CARS1: variants seen among roughly 807,000 people sequenced by gnomAD.
The protein encoded by CARS1 is cysteine--tRNA ligase, cytoplasmic.
In CARS1, 48 loss-of-function variants were observed where a neutral mutation model predicts 106.2. The observed-to-expected ratio is 0.45, with a 90% CI of 0.36 to 0.57. CARS1 has a LOEUF of 0.57. Among genes scored for constraint, CARS1 ranks in the 20% least tolerant of loss-of-function variants. The pLI is 0.00. For synonymous variants in CARS1, 409 were observed against 403.4 expected, an observed-to-expected ratio of 1.01 and a Z score of -0.17; for missense variants, 968 against 1,057.2, an observed-to-expected ratio of 0.92 and a Z score of 1.17.
rs183118389 is a variant in CARS1 at position 3,031,914 on chromosome 11, T to C, written c.802-2471A>G. Among the ~76,000 whole-genome samples the C allele has an allele frequency of 5.0e-3, 764 of 151,990 alleles. 4 individuals are homozygous for C. The highest frequency in any genetic ancestry group is 5.4e-3 in the Non-Finnish European group (366 of 67,962). On this transcript the variant is annotated intron_variant, in intron 7 of 22. Transcript: ENST00000380525. The stretch of plus-strand genomic sequence containing the variant: ...CAGTGAATATTGGAGAAAAATCCCC[T>C]TGTGTTTCCAATAGCAAGAAGGGAA...
At chr11:3,018,807 C>A (rs1851292220) in intron 12 of CARS1, 58 bp from the exon 13 acceptor site, 2 of 1,574,870 alleles carry the variant, frequency 1.3e-6, no homozygotes, top group East Asian at 2.3e-5. Flanking sequence ...CCGCCTCCTG[C>A]CACCTGCACT....
Position 3,022,736 on chromosome 11 carries a change from C to T in CARS1, c.1154-2404G>A, listed in dbSNP as rs148829419. ...CTCCCTGCACTAGGCCTTCCTGCCA[C>T]GTGCCTTCCCGAGTGGTCTGCATGG... On this transcript the variant is annotated intron_variant, in intron 10 of 22. Coordinates refer to ENST00000380525, the MANE Select transcript of CARS1 (RefSeq NM_001014437.3). This position sits in a 1 kb window ranked among gnomAD's most constrained non-coding sequence, Gnocchi z 4.9. Among the ~76,000 whole-genome samples the T allele has an allele frequency of 1.4e-4, 22 of 152,346 alleles. No individual in the cohort carries two copies. Among genetic ancestry groups the T allele is most frequent in the African/African-American group, 4.8e-4 (20 of 41,576 alleles).
Position 3,015,853 on chromosome 11 carries a change from G to C in CARS1, c.1918-4C>G. On this transcript the variant is annotated splice_polypyrimidine_tract_variant and splice_region_variant and intron_variant, in intron 16 of 22. Coordinates refer to ENST00000380525, the MANE Select transcript of CARS1 (RefSeq NM_001014437.3). ...CCTCTTCTACGGCCCCAAAGATCTA[G>C]GAAAAGAAACAGATGGGACCTGAAG... 1 of 1,613,882 alleles carries C rather than the reference G, an allele frequency of 6.2e-7. No homozygotes were observed. The highest frequency in any genetic ancestry group is 8.5e-7 in the Non-Finnish European group (1 of 1,179,814).
At position 3,028,438 on chromosome 11, in the gene CARS1, G is replaced by T; in HGVS notation, c.1031+558C>A. 4.1e-6 allele frequency: 1 copy of T among 244,764 alleles called. No individual in the cohort carries two copies. Among genetic ancestry groups the T allele is most frequent in the Non-Finnish European group, 7.9e-6 (1 of 127,356 alleles). 15.2% of individuals were successfully genotyped at this position (244,764 alleles called of 1,614,324 possible). On this transcript the variant is annotated intron_variant, in intron 9 of 22. Coordinates refer to ENST00000380525, the MANE Select transcript of CARS1 (RefSeq NM_001014437.3). The surrounding 1 kb of genome is among the most constrained non-coding windows in gnomAD (Gnocchi z 4.4). ...GGAGAAAAACCCACCGACCCTGTGG[G>T]GCTGGTCCCTACACACTACAGACAG...
chr11:3,054,107 G>A (rs1016835330), intron 1 of CARS1, among the ~76,000 whole-genome samples: 1 of 152,104 alleles, frequency 6.6e-6, no homozygotes, highest in Non-Finnish European at 1.5e-5. Flanking sequence ...CACCAACTAG[G>A]AGCCAACACT....
chr11:3,039,016 T>G lies in CARS1; in HGVS notation c.651+178A>C, dbSNP rs1244357712. On this transcript the variant is annotated intron_variant, in intron 6 of 22. Transcript: ENST00000380525. This position sits in a 1 kb window ranked among gnomAD's most constrained non-coding sequence, Gnocchi z 5.6. ...CAGTACATCTTTGCTGGTGACTTTG[T>G]CACAGGCCAGGGGACCTTACCTATG... Among the ~76,000 whole-genome samples, 9 of 152,228 alleles carry G rather than the reference T, an allele frequency of 5.9e-5. No individual in the cohort carries two copies.
In CARS1 at chr11:3,052,861, G is replaced by A. The variant is rs1590579827; in HGVS notation, c.25+4482C>T. 1.3e-5 allele frequency among the ~76,000 whole-genome samples: 2 copies of A among 152,240 alleles called. No individual in the cohort carries two copies. The highest frequency in any genetic ancestry group is 2.1e-4 in the South Asian group (1 of 4,836). Reference sequence around the variant, plus strand: ...TCTGAGCAGACTGAAAACCTCCCAGGGACCTGTTCCTCGACACTGGCCCTC... The same window carrying A: ...TCTGAGCAGACTGAAAACCTCCCAGAGACCTGTTCCTCGACACTGGCCCTC... On this transcript the variant is annotated intron_variant, in intron 1 of 22. Transcript: ENST00000380525. The surrounding 1 kb of genome is among the most constrained non-coding windows in gnomAD (Gnocchi z 4.6).
chr11:3,005,621 T>G, intron 19 of CARS1, among the ~76,000 whole-genome samples, 188 bp from the exon 20 acceptor site: 1 of 143,508 alleles, frequency 7.0e-6, no homozygotes, highest in East Asian at 2.1e-4. Context: ...TTTTGGTTTG[T>G]GTGTGTGTGA....
chr11:3,039,912 T>C lies in CARS1; in HGVS notation c.475A>G (p.Ile159Val). 1.3e-6 allele frequency: 2 copies of C among 1,584,292 alleles called. No homozygotes were observed. Among genetic ancestry groups the C allele is most frequent in the Non-Finnish European group, 1.7e-6 (2 of 1,162,750 alleles). The change falls in exon 5 of 23, where the codon ATC becomes GTC. Residue 159 changes from isoleucine (I) to valine (V), a missense_variant. Coordinates refer to ENST00000380525, the MANE Select transcript of CARS1 (RefSeq NM_001014437.3). This position sits in a 1 kb window ranked among gnomAD's most constrained non-coding sequence, Gnocchi z 5.6. ...GHARSYISFD[I>V]LRRVLKDYFK... ...TAATCCTTCAACACTCTTCTCAAGATATCAAAAGAGATGTAGGACCTAAAG... is the reference window on the plus strand; with the variant it reads ...TAATCCTTCAACACTCTTCTCAAGACATCAAAAGAGATGTAGGACCTAAAG...
At position 3,015,766 on chromosome 11, in the gene CARS1, CTG is replaced by C; in HGVS notation, c.1986+13_1986+14del. 1 of 1,613,192 alleles carries C rather than the reference CTG, an allele frequency of 6.2e-7. No individual in the cohort carries two copies. Among genetic ancestry groups the C allele is most frequent in the South Asian group, 1.1e-5 (1 of 91,060 alleles). On this transcript the variant is annotated intron_variant, in intron 17 of 22. Coordinates refer to ENST00000380525, the MANE Select transcript of CARS1 (RefSeq NM_001014437.3). ...GGGAGCAGGTGCAGAAGGCAGGACC[CTG>C]CATGCTACTCACACTGAGGCTGGTT...
rs763728749 is a variant in CARS1, at chr11:3,020,637, C to T, written c.1154-305G>A. ...TCCTGCTGCCTTCTCACAGCATTAG[C>T]CCACCAGTGTCTAGGACAAGTGATA... is the stretch of plus-strand genomic sequence containing the variant. On this transcript the variant is annotated intron_variant, in intron 10 of 22. Coordinates refer to ENST00000380525, the MANE Select transcript of CARS1 (RefSeq NM_001014437.3). This position sits in a 1 kb window ranked among gnomAD's most constrained non-coding sequence, Gnocchi z 4.6. Among the ~76,000 whole-genome samples, 10 of 152,328 alleles carry T rather than the reference C, an allele frequency of 6.6e-5. No individual in the cohort carries two copies. Among genetic ancestry groups the T allele is most frequent in the South Asian group, 2.1e-4 (1 of 4,824 alleles).
chr11:3,047,360 A>G (rs1855204246), intron 2 of CARS1, among the ~76,000 whole-genome samples: 1 of 152,146 alleles, frequency 6.6e-6, no homozygotes, highest in African/African-American at 2.4e-5. Flanking sequence ...ACACGCTACA[A>G]TCTTATGGAA....
At position 3,005,449 on chromosome 11, in the gene CARS1, C is replaced by T. The variant is rs1206257111; in HGVS notation, c.2150-16G>A. ...GTGGGCAGTCCTGCAAAATAAACTGCGTGTGAGAAGAGTCTGGGCTCTGTG... is the reference window on the plus strand; with the variant it reads ...GTGGGCAGTCCTGCAAAATAAACTGTGTGTGAGAAGAGTCTGGGCTCTGTG... On this transcript the variant is annotated splice_polypyrimidine_tract_variant and intron_variant, in intron 19 of 22. Transcript: ENST00000380525. The T allele has an allele frequency of 2.5e-6, 4 of 1,609,178 alleles. No homozygotes were observed. The highest frequency in any genetic ancestry group is 2.2e-5 in the East Asian group (1 of 44,838).
In CARS1 at chr11:3,028,691, G is replaced by C. The variant is rs998870616; in HGVS notation, c.1031+305C>G. The C allele has an allele frequency of 2.3e-6, 1 of 426,282 alleles. No individual in the cohort carries two copies. Among genetic ancestry groups the C allele is most frequent in the Admixed American group, 4.0e-5 (1 of 25,124 alleles). 26.4% of individuals were successfully genotyped at this position (426,282 alleles called of 1,614,324 possible). ...CGCAATGGCACTGATGTCTGTGAAG[G>C]CCCAGCAGTATTCGCACTCACCATT... On this transcript the variant is annotated intron_variant, in intron 9 of 22. Coordinates refer to ENST00000380525, the MANE Select transcript of CARS1 (RefSeq NM_001014437.3). This position sits in a 1 kb window ranked among gnomAD's most constrained non-coding sequence, Gnocchi z 4.4.
intron 2 of CARS1, among the ~76,000 whole-genome samples, chr11:3,042,886 C>A (rs1475658455): frequency 2.0e-5 from 3 of 152,230 alleles, no homozygotes; most frequent in African/African-American, 7.2e-5. Context: ...CCTGTGGCCA[C>A]GGCCAGCAGG....
rs1853286425 is a variant in CARS1 at position 3,034,237 on chromosome 11, T to TG, written c.801+3812_801+3813insC. ...TTTTTTGTTTTGTTTTGTTTTGTTT[T>TG]TTTGAGACAGTCTCACTCTGTTTCC... On this transcript the variant is annotated intron_variant, in intron 7 of 22. Coordinates refer to ENST00000380525, the MANE Select transcript of CARS1 (RefSeq NM_001014437.3). The surrounding 1 kb of genome is among the most constrained non-coding windows in gnomAD (Gnocchi z 6.3). Among the ~76,000 whole-genome samples the TG allele has an allele frequency of 6.6e-6, 1 of 152,062 alleles. No individual in the cohort carries two copies. Among genetic ancestry groups the TG allele is most frequent in the East Asian group, 1.9e-4 (1 of 5,194 alleles).
Position 3,001,267 on chromosome 11 carries a change from G to A in CARS1, c.2362-19C>T, listed in dbSNP as rs201490834. The A allele has an allele frequency of 1.7e-4, 279 of 1,611,764 alleles. No homozygotes were observed. Among genetic ancestry groups the A allele is most frequent in the Middle Eastern group, 3.3e-4 (2 of 6,078 alleles). ...GCAGACCCTGAAAACCCAGAGCACA[G>A]CGGCTATTGGTCTCCTCTGCACCTG... On this transcript the variant is annotated intron_variant, in intron 22 of 22. Coordinates refer to ENST00000380525, the MANE Select transcript of CARS1 (RefSeq NM_001014437.3).
Position 3,001,236 on chromosome 11 carries a change from GT to G in CARS1, c.2373del (p.His792MetfsTer16). On this transcript the variant is annotated frameshift_variant, in exon 23 of 23. Coordinates refer to ENST00000380525, the MANE Select transcript of CARS1 (RefSeq NM_001014437.3). LOFTEE classifies it high-confidence loss of function. The part of the protein sequence containing the change: ...YSKFDENGLP[T>X]HDMEGKELSK... ...CTGAGCTCTTTGCCCTCCATGTCAT[GT>G]GTGGGCAGACCCTGAAAACCCAGAG... is the stretch of plus-strand genomic sequence containing the variant. 6.2e-7 allele frequency: 1 copy of G among 1,613,676 alleles called. No homozygotes were observed. The highest frequency in any genetic ancestry group is 1.1e-5 in the South Asian group (1 of 91,072).
rs946220383 is a variant in CARS1, at chr11:3,006,781, T to C, written c.2149+98A>G. The C allele has an allele frequency of 3.1e-6, 3 of 963,004 alleles. No individual in the cohort carries two copies. In the South Asian group the frequency reaches 4.0e-5, roughly 13 times the overall value. The allele number at this position is 963,004 out of a possible 1,614,324, so 59.7% of individuals were successfully genotyped here. On this transcript the variant is annotated intron_variant, in intron 19 of 22. Transcript: ENST00000380525. The stretch of plus-strand genomic sequence containing the variant: ...CCACTTTGGGATTCTGCATCAGCAA[T>C]CATGAAGCATGAGCCTCAGCCCAGC...
Sources: gnomAD v4.1 joint callset for allele counts (sites outside exome capture counted in the v4.1 genomes callset) on GRCh38, gnomAD v4.1.1 for gene constraint, Gnocchi (gnomAD v3.1) non-coding constraint, MANE v1.5 for transcripts, NCBI Gene and HGNC (gene_info 2026-07-23, HGNC 2026-07-21) for gene names.